Variants in PCDHA11 observed in about 807,000 individuals in gnomAD.
The protein encoded by PCDHA11 is protocadherin alpha-11.
Under a neutral mutation model 70.3 loss-of-function variants are expected in PCDHA11, and 61 were observed. That is an observed-to-expected ratio of 0.87 (90% confidence interval 0.71 to 1.07). PCDHA11 has a LOEUF of 1.07. Ranked by LOEUF, PCDHA11 falls within the 50% of genes least tolerant of loss-of-function variation. The pLI is 0.00. For missense variants in PCDHA11, 1,324 were observed against 1,237.5 expected (o/e 1.07, Z -1.05); for synonymous variants, 633 against 555.1 (o/e 1.14, Z -1.97).
chr5:140,885,310 G>T (rs1554182115), intron 1 of PCDHA11, among the ~76,000 whole-genome samples: 1 of 152,038 alleles, frequency 6.6e-6, no homozygotes. Context: ...TAGGCTTTTT[G>T]TTATTATTTC....
At chr5:140,874,406 C>T (rs1399717105) in intron 1 of PCDHA11, among the ~76,000 whole-genome samples, 2 of 152,122 alleles carry the variant, frequency 1.3e-5, no homozygotes, top group Non-Finnish European at 2.9e-5. Flanking sequence ...ATAACAGTCA[C>T]CATTCTGATT....
chr5:141,004,037 G>C (rs946974688), intron 3 of PCDHA11, among the ~76,000 whole-genome samples: 1 of 152,200 alleles, frequency 6.6e-6, no homozygotes, highest in African/African-American at 2.4e-5. Context: ...TTCCTTGATT[G>C]ATCATTTGCT....
intron 1 of PCDHA11, among the ~76,000 whole-genome samples, chr5:140,948,015 C>CCTTTT (rs71276332): frequency 0.56 from 84,575 of 150,344 alleles, 24,313 homozygotes; most frequent in African/African-American, 0.69. Context: ...TAGGAAGTAC[C>CCTTTT]CTTTCTGGTT....
intron 1 of PCDHA11, chr5:140,929,026 G>A: frequency 1.2e-6 from 2 of 1,614,176 alleles, no homozygotes; most frequent in Non-Finnish European, 1.7e-6. Context: ...CCAGAGCCCA[G>A]GCTGTTGCGC....
chr5:140,946,224 C>T (rs1450090999), intron 1 of PCDHA11, among the ~76,000 whole-genome samples: 1 of 151,786 alleles, frequency 6.6e-6, no homozygotes, highest in Non-Finnish European at 1.5e-5. Context: ...AACAGGTATA[C>T]TAAAAAATGC....
chr5:140,879,659 C>T (rs782370828), intron 1 of PCDHA11, among the ~76,000 whole-genome samples: 4 of 152,142 alleles, frequency 2.6e-5, no homozygotes, highest in East Asian at 3.8e-4. Flanking sequence ...CTATAACAAA[C>T]GAACACAAAC....
intron 1 of PCDHA11, among the ~76,000 whole-genome samples, chr5:140,873,515 C>A (rs2054335003): frequency 6.6e-6 from 1 of 152,056 alleles, no homozygotes; most frequent in African/African-American, 2.4e-5. Context: ...ATACTTAATG[C>A]CAAGATTGCA....
At chr5:140,897,803 C>A (rs1285512803) in intron 1 of PCDHA11, among the ~76,000 whole-genome samples, 2 of 152,130 alleles carry the variant, frequency 1.3e-5, no homozygotes, top group Non-Finnish European at 2.9e-5. Flanking sequence ...AGAGTCCCAC[C>A]AACAGTGTAA....
In PCDHA11 at chr5:140,944,181, G is replaced by A. The variant is rs112665762; in HGVS notation, c.2392-34768G>A. 4.3e-3 allele frequency among the ~76,000 whole-genome samples: 661 copies of A among 151,992 alleles called. 7 individuals are homozygous for A. Among genetic ancestry groups the A allele is most frequent in the African/African-American group, 0.015 (616 of 41,488 alleles). On this transcript the variant is annotated intron_variant, in intron 1 of 3. Coordinates refer to ENST00000398640, the MANE Select transcript of PCDHA11 (RefSeq NM_018902.5). ...AAAGGGCCAAGGCTGGTTTTTTGTTGGTTTGTTTTGTTTTGTTTTGTTTTT... is the reference window on the plus strand; with the variant it reads ...AAAGGGCCAAGGCTGGTTTTTTGTTAGTTTGTTTTGTTTTGTTTTGTTTTT...
intron 1 of PCDHA11, among the ~76,000 whole-genome samples, chr5:140,879,771 G>A (rs1413027496): frequency 6.6e-6 from 1 of 152,156 alleles, no homozygotes; most frequent in Admixed American, 6.5e-5. Flanking sequence ...GGAGGCCCCA[G>A]GGAAGAATCT....
intron 1 of PCDHA11, among the ~76,000 whole-genome samples, chr5:140,946,772 TG>T (rs2094025159): frequency 6.6e-6 from 1 of 151,346 alleles, no homozygotes; most frequent in Non-Finnish European, 1.5e-5. Context: ...TCATGTGGAA[TG>T]TAAAAAAGCT....
chr5:140,922,172 C>T (rs1466116071), intron 1 of PCDHA11, among the ~76,000 whole-genome samples: 2 of 134,528 alleles, frequency 1.5e-5, no homozygotes, highest in Non-Finnish European at 3.3e-5. Context: ...AAAAGTACAG[C>T]AGACAAAAAA....
intron 1 of PCDHA11, among the ~76,000 whole-genome samples, chr5:140,941,250 T>TCCTTCCTTC (rs1441496906): frequency 7.2e-6 from 1 of 139,474 alleles, no homozygotes; most frequent in East Asian, 2.1e-4. Context: ...TTTCTTTCTT[T>TCCTTCCTTC]CTTTCTCTTT....
At chr5:140,997,302 G>A (rs1430183310) in intron 3 of PCDHA11, among the ~76,000 whole-genome samples, 2 of 152,154 alleles carry the variant, frequency 1.3e-5, no homozygotes, top group Non-Finnish European at 2.9e-5. Flanking sequence ...GATACACTGA[G>A]AAATGTGTCT....
At chr5:140,978,835 A>G in intron 1 of PCDHA11, 114 bp from the exon 2 acceptor site, 2 of 1,550,342 alleles carry the variant, frequency 1.3e-6, no homozygotes, top group Non-Finnish European at 1.7e-6. Flanking sequence ...TGGCTCATTC[A>G]ATACTTTTTT....
chr5:140,958,911 G>C (rs1458386566), intron 1 of PCDHA11, among the ~76,000 whole-genome samples: 3 of 151,406 alleles, frequency 2.0e-5, no homozygotes, highest in African/African-American at 7.3e-5. Flanking sequence ...AGAAAAGTCT[G>C]CCTGGGTGTG....
At chr5:140,952,180 T>C (rs1034052117) in intron 1 of PCDHA11, among the ~76,000 whole-genome samples, 4 of 151,968 alleles carry the variant, frequency 2.6e-5, no homozygotes, top group Admixed American at 2.0e-4. Context: ...CTGCAGCTGC[T>C]CTCATGGGTT....
intron 1 of PCDHA11, among the ~76,000 whole-genome samples, chr5:140,891,795 A>T (rs2063252569): frequency 6.6e-6 from 1 of 152,178 alleles, no homozygotes; most frequent in South Asian, 2.1e-4. Flanking sequence ...ATTATGAGGG[A>T]TCTGCCCTCA....
At chr5:140,899,704 T>C (rs2067500536) in intron 1 of PCDHA11, among the ~76,000 whole-genome samples, 1 of 152,242 alleles carries the variant, frequency 6.6e-6, no homozygotes, top group Non-Finnish European at 1.5e-5. Context: ...TAAAATGAGT[T>C]AGGGAGGATT....
Sources: gnomAD v4.1 joint callset for allele counts (sites outside exome capture counted in the v4.1 genomes callset) on GRCh38, gnomAD v4.1.1 for gene constraint, MANE v1.5 for transcripts, NCBI Gene and HGNC (gene_info 2026-07-23, HGNC 2026-07-21) for gene names.